ADAM17: variants seen among roughly 807,000 people sequenced by gnomAD.
ADAM17 encodes the protein disintegrin and metalloproteinase domain-containing protein 17.
A neutral mutation model predicts 96.7 loss-of-function variants in ADAM17; 39 were observed. That is an observed-to-expected ratio of 0.40 (90% CI 0.31 to 0.53). ADAM17 has a LOEUF of 0.53. Ranked by LOEUF, ADAM17 falls within the 20% of genes least tolerant of loss-of-function variation. ADAM17 has a pLI of 0.44. For synonymous variants in ADAM17, 344 were observed against 359.2 expected, an observed-to-expected ratio of 0.96 and a Z score of 0.48; for missense variants, 777 against 1,013.2, an observed-to-expected ratio of 0.77 and a Z score of 3.17.
In ADAM17 at chr2:9,555,777, A is replaced by T; in HGVS notation, c.-172T>A. 1 of 501,108 alleles carries T rather than the reference A, an allele frequency of 2.0e-6. No individual in the cohort carries two copies. Among genetic ancestry groups the T allele is most frequent in the South Asian group, 4.1e-5 (1 of 24,204 alleles). The allele number at this position is 501,108 out of a possible 1,614,324, so 31.0% of individuals were successfully genotyped here. On this transcript the variant is annotated 5_prime_UTR_variant, in exon 1 of 19. Coordinates refer to ENST00000310823, the MANE Select transcript of ADAM17 (RefSeq NM_003183.6). ...TTCTACCGCCAGGCTCGACGCCCCCAGAAGTGCAGGTGGCGTTACCAAAGG... is the reference window on the plus strand; with the variant it reads ...TTCTACCGCCAGGCTCGACGCCCCCTGAAGTGCAGGTGGCGTTACCAAAGG...
At chr2:9,527,734 G>T in intron 5 of ADAM17, 52 bp downstream of exon 5, 2 of 1,263,124 alleles carry the variant, frequency 1.6e-6, no homozygotes, top group Non-Finnish European at 1.1e-6. Context: ...CCCTACTGAA[G>T]TCAATTGTAG....
At chr2:9,521,690 GC>G (rs905312647) in intron 7 of ADAM17, 4 of 153,072 alleles carry the variant, frequency 2.6e-5, no homozygotes, top group African/African-American at 9.7e-5. Context: ...GGAATAAAAG[GC>G]TAAGAATAGA....
intron 4 of ADAM17, among the ~76,000 whole-genome samples, chr2:9,530,254 C>A (rs184339261): frequency 1.3e-5 from 2 of 152,064 alleles, no homozygotes; most frequent in Admixed American, 1.3e-4. Flanking sequence ...TCTTTTGGGT[C>A]AAACATTTCT....
Position 9,544,603 on chromosome 2 carries a change from G to T in ADAM17, c.98-1318C>A, listed in dbSNP as rs550404135. Among the ~76,000 whole-genome samples, 5 of 152,114 alleles carry T rather than the reference G, an allele frequency of 3.3e-5. No homozygotes were observed. In the East Asian group the frequency reaches 9.7e-4, roughly 29 times the overall value. On this transcript the variant is annotated intron_variant, in intron 1 of 18. Coordinates refer to ENST00000310823, the MANE Select transcript of ADAM17 (RefSeq NM_003183.6). ...AGCACTTTGGGAGGCCAAGGCAGGG[G>T]GATCACAAGGTCAGGAGATGGAGAC...
At chr2:9,543,094 G>C (rs1038469713) in intron 2 of ADAM17, 59 bp downstream of exon 2, 75 of 1,479,276 alleles carry the variant, frequency 5.1e-5, no homozygotes, top group Non-Finnish European at 6.2e-5. Flanking sequence ...TTACTTTTTT[G>C]TTTTTGCCAA....
intron 8 of ADAM17, among the ~76,000 whole-genome samples, chr2:9,520,769 G>A (rs1480041781): frequency 1.3e-5 from 2 of 151,772 alleles, no homozygotes; most frequent in African/African-American, 2.4e-5. Flanking sequence ...TTCAAGACCA[G>A]CCTGACCAAC....
At chr2:9,527,728 A>AC in intron 5 of ADAM17, 58 bp downstream of exon 5, 1 of 1,198,490 alleles carries the variant, frequency 8.3e-7, no homozygotes, top group Non-Finnish European at 1.1e-6. Context: ...AACCACCCCT[A>AC]CTGAAGTCAA....
At chr2:9,540,332 TGTCA>T (rs1665157245) in intron 2 of ADAM17, among the ~76,000 whole-genome samples, 1 of 152,132 alleles carries the variant, frequency 6.6e-6, no homozygotes. Context: ...ATCTTGTATC[TGTCA>T]TTTACTAGCT....
chr2:9,550,466 G>A (rs1355550678), intron 1 of ADAM17, among the ~76,000 whole-genome samples: 2 of 99,414 alleles, frequency 2.0e-5, no homozygotes, highest in Non-Finnish European at 3.8e-5. Context: ...TTTTTTTTGA[G>A]ATGGAGTCTC....
At chr2:9,513,395 G>T (rs996245541) in intron 10 of ADAM17, among the ~76,000 whole-genome samples, 1 of 152,190 alleles carries the variant, frequency 6.6e-6, no homozygotes, top group Admixed American at 6.5e-5. Context: ...CAGACCCAAA[G>T]AGGAGAATGT....
intron 14 of ADAM17, chr2:9,494,971 G>A: frequency 4.4e-6 from 2 of 457,062 alleles, no homozygotes; most frequent in African/African-American, 2.0e-5. Context: ...GAGGCCACAA[G>A]GTTTAAAAAA....
Position 9,548,879 on chromosome 2 carries a change from G to T in ADAM17, c.98-5594C>A, listed in dbSNP as rs375010016. On this transcript the variant is annotated intron_variant, in intron 1 of 18. Coordinates refer to ENST00000310823, the MANE Select transcript of ADAM17 (RefSeq NM_003183.6). ...CAGGCCTGTAACAAAATGGCCTTCTGGTTGTAGCTGTGGAGTTGCCTACAG... is the reference window on the plus strand; with the variant it reads ...CAGGCCTGTAACAAAATGGCCTTCTTGTTGTAGCTGTGGAGTTGCCTACAG... 9.9e-5 allele frequency among the ~76,000 whole-genome samples: 15 copies of T among 152,272 alleles called. No homozygotes were observed. The East Asian group carries it at 1.5e-3, about 16-fold the overall frequency.
intron 8 of ADAM17, among the ~76,000 whole-genome samples, chr2:9,519,088 TACA>T (rs1664199271): frequency 6.6e-6 from 1 of 152,106 alleles, no homozygotes; most frequent in African/African-American, 2.4e-5. Context: ...GTATTTTTTG[TACA>T]ACATGTTGCC....
intron 5 of ADAM17, 109 bp from the exon 6 acceptor site, chr2:9,526,353 A>G (rs1301197218): frequency 3.5e-6 from 4 of 1,138,764 alleles, no homozygotes; most frequent in South Asian, 3.4e-5. Flanking sequence ...TGTGAGCTTA[A>G]TATCACTAAA....
intron 4 of ADAM17, among the ~76,000 whole-genome samples, chr2:9,533,343 T>C (rs1664827929): frequency 6.6e-6 from 1 of 152,068 alleles, no homozygotes; most frequent in Non-Finnish European, 1.5e-5. Context: ...GGTCAGGAGA[T>C]CGAGACCATC....
chr2:9,546,262 A>G (rs1665399267), intron 1 of ADAM17, among the ~76,000 whole-genome samples: 2 of 152,248 alleles, frequency 1.3e-5, no homozygotes, highest in South Asian at 4.1e-4. Context: ...TATATTTTCT[A>G]TAATAAGCAC....
intron 2 of ADAM17, among the ~76,000 whole-genome samples, chr2:9,537,880 G>A (rs1233548544): frequency 1.3e-5 from 1 of 74,374 alleles, no homozygotes; most frequent in Non-Finnish European, 3.1e-5. Flanking sequence ...AGGAAAAGAG[G>A]GGAGGGGAGG....
chr2:9,523,431 A>T (rs1280509534), intron 6 of ADAM17, 93 bp from the exon 7 acceptor site: 1 of 1,124,072 alleles, frequency 8.9e-7, no homozygotes, highest in Non-Finnish European at 1.3e-6. Context: ...AAAAAATCTC[A>T]GTTTAGAGGC....
chr2:9,552,373 T>C (rs762143628), intron 1 of ADAM17, among the ~76,000 whole-genome samples: 1 of 152,250 alleles, frequency 6.6e-6, no homozygotes, highest in Non-Finnish European at 1.5e-5. Flanking sequence ...GTTTATCTCT[T>C]AGACTAATAT....
Sources: gnomAD v4.1 joint callset for allele counts (sites outside exome capture counted in the v4.1 genomes callset) on GRCh38, gnomAD v4.1.1 for gene constraint, MANE v1.5 for transcripts, NCBI Gene and HGNC (gene_info 2026-07-23, HGNC 2026-07-21) for gene names.